Variants in SVOP observed in about 807,000 individuals in gnomAD.
SVOP encodes the protein synaptic vesicle 2-related protein.
SVOP carries 17 observed loss-of-function variants against 69.1 expected under a neutral mutation model. The ratio of observed to expected loss-of-function variants is 0.25; its 90% CI spans 0.17 to 0.37. The LOEUF is 0.37. Ranked by LOEUF, SVOP falls within the 10% of genes least tolerant of loss-of-function variation. SVOP has a pLI of 1.00. For synonymous variants in SVOP, 238 were observed against 238.6 expected, an observed-to-expected ratio of 1.00 and a Z score of 0.02; for missense variants, 435 against 597.5, an observed-to-expected ratio of 0.73 and a Z score of 2.84.
Position 108,908,113 on chromosome 12 carries a change from G to A in SVOP, c.*4422C>T, listed in dbSNP as rs2039659559. On this transcript the variant is annotated 3_prime_UTR_variant, in exon 16 of 16. Transcript: ENST00000610966. Reference sequence around the variant, plus strand: ...CAGCTGAGTCAGGTATGTTTGCAGAGCTGGGTTATGAGGCTATGGAAGCTC... The same window carrying A: ...CAGCTGAGTCAGGTATGTTTGCAGAACTGGGTTATGAGGCTATGGAAGCTC... 6.6e-6 allele frequency: 1 copy of A among 152,280 alleles called. No homozygotes were observed. Among genetic ancestry groups the A allele is most frequent in the Non-Finnish European group, 1.5e-5 (1 of 68,080 alleles). 9.4% of individuals were successfully genotyped at this position (152,280 alleles called of 1,614,324 possible).
intron 1 of SVOP, among the ~76,000 whole-genome samples, chr12:109,013,120 A>G (rs1428824488): frequency 6.6e-6 from 1 of 152,200 alleles, no homozygotes; most frequent in African/African-American, 2.4e-5. Context: ...TGGCCTGTCT[A>G]TATTGGTCTA....
chr12:108,997,008 G>C (rs1020371265), intron 1 of SVOP, among the ~76,000 whole-genome samples: 72 of 152,174 alleles, frequency 4.7e-4, no homozygotes, highest in African/African-American at 1.6e-3. Context: ...CAGCGTGAGC[G>C]ACACAGAAGA....
chr12:108,983,562 G>A (rs1426529232), intron 2 of SVOP, 39 bp downstream of exon 2: 9 of 398,632 alleles, frequency 2.3e-5, no homozygotes, highest in South Asian at 2.5e-4. Flanking sequence ...AACCTTGACC[G>A]TGGCCCAGGC....
chr12:108,956,817 A>T (rs2039988250), intron 6 of SVOP, among the ~76,000 whole-genome samples: 1 of 152,116 alleles, frequency 6.6e-6, no homozygotes, highest in African/African-American at 2.4e-5. Context: ...CCTATCATAT[A>T]TTGTGCTATC....
chr12:108,931,401 C>T (rs1310067254), intron 11 of SVOP, among the ~76,000 whole-genome samples: 1 of 152,224 alleles, frequency 6.6e-6, no homozygotes, highest in Non-Finnish European at 1.5e-5. Flanking sequence ...ATAGACTTTT[C>T]TTTGCATTTG....
intron 8 of SVOP, 131 bp downstream of exon 8, chr12:108,940,653 T>C: frequency 7.3e-7 from 1 of 1,363,328 alleles, no homozygotes; most frequent in Non-Finnish European, 9.8e-7. Context: ...CTCCCTTGTC[T>C]CATTTCCTGA....
At chr12:108,990,652 G>T (rs1387589545) in intron 1 of SVOP, among the ~76,000 whole-genome samples, 1 of 143,890 alleles carries the variant, frequency 6.9e-6, no homozygotes, top group African/African-American at 2.6e-5. Context: ...AGAACTTAAA[G>T]TATAATAAAA....
chr12:108,974,095 T>C (rs2040093923), intron 4 of SVOP, among the ~76,000 whole-genome samples: 1 of 152,250 alleles, frequency 6.6e-6, no homozygotes, highest in African/African-American at 2.4e-5. Flanking sequence ...ATTAGTTTAT[T>C]GAGTTCTAAC....
chr12:108,979,079 G>A (rs888415928), intron 2 of SVOP, among the ~76,000 whole-genome samples: 6 of 109,776 alleles, frequency 5.5e-5, no homozygotes, highest in South Asian at 3.7e-4. Context: ...GGAAATGTAC[G>A]CATGTGGGTG....
At chr12:108,915,649 C>T in intron 15 of SVOP, 134 bp downstream of exon 15, 1 of 873,844 alleles carries the variant, frequency 1.1e-6, no homozygotes, top group South Asian at 1.9e-5. Flanking sequence ...TTTCTTCTGT[C>T]CTCGGGTGTG....
chr12:109,019,550 C>T (rs891905054), intron 1 of SVOP, among the ~76,000 whole-genome samples: 2 of 151,946 alleles, frequency 1.3e-5, no homozygotes, highest in African/African-American at 4.8e-5. Context: ...GATATTTATT[C>T]TCAATAAAAG....
intron 10 of SVOP, chr12:108,936,963 G>A (rs1024383474): frequency 2.8e-5 from 10 of 359,658 alleles, no homozygotes; most frequent in African/African-American, 6.3e-5. Flanking sequence ...TGGGGAGGCT[G>A]AGGAGGGAGG....
intron 1 of SVOP, among the ~76,000 whole-genome samples, chr12:108,999,429 C>T (rs1428906649): frequency 2.0e-5 from 3 of 146,634 alleles, no homozygotes; most frequent in Admixed American, 6.9e-5. Context: ...CAAGGATACC[C>T]AGGAATTGAA....
intron 1 of SVOP, among the ~76,000 whole-genome samples, chr12:109,016,865 C>T (rs1038385685): frequency 6.6e-6 from 1 of 151,908 alleles, no homozygotes; most frequent in African/African-American, 2.4e-5. Context: ...GCCTCAGCCT[C>T]CCTAGTAGTT....
At chr12:108,994,798 C>T (rs2040222106) in intron 1 of SVOP, among the ~76,000 whole-genome samples, 1 of 152,144 alleles carries the variant, frequency 6.6e-6, no homozygotes, top group African/African-American at 2.4e-5. Flanking sequence ...TAGAAATGAT[C>T]ATTAGGACAG....
intron 2 of SVOP, among the ~76,000 whole-genome samples, chr12:108,982,676 AT>A: frequency 1.6e-5 from 2 of 121,658 alleles, no homozygotes; most frequent in African/African-American, 7.0e-5. Flanking sequence ...CATCATTATC[AT>A]CACCATCATC....
intron 3 of SVOP, 60 bp from the exon 4 acceptor site, chr12:108,977,556 G>A (rs1249399703): frequency 2.5e-6 from 3 of 1,183,176 alleles, no homozygotes; most frequent in Non-Finnish European, 2.4e-6. Flanking sequence ...GGGAAGGCTG[G>A]CCAAGTCCAT....
At chr12:108,912,787 A>G (rs2039692456) in intron 15 of SVOP, 46 bp from the exon 16 acceptor site, 1 of 1,572,602 alleles carries the variant, frequency 6.4e-7, no homozygotes, top group African/African-American at 1.4e-5. Flanking sequence ...CTTCTGAAGC[A>G]CAGACATCGC....
intron 5 of SVOP, 53 bp downstream of exon 5, chr12:108,972,352 C>T: frequency 3.3e-6 from 5 of 1,517,812 alleles, no homozygotes; most frequent in Non-Finnish European, 4.4e-6. Context: ...TTGTCCAGAC[C>T]ATCACCAAGA....
Sources: gnomAD v4.1 joint callset for allele counts (sites outside exome capture counted in the v4.1 genomes callset) on GRCh38, gnomAD v4.1.1 for gene constraint, MANE v1.5 for transcripts, NCBI Gene and HGNC (gene_info 2026-07-23, HGNC 2026-07-21) for gene names.